PUM2: variants seen among roughly 807,000 people sequenced by gnomAD.
PUM2 encodes the protein pumilio homolog 2.
Under a neutral mutation model 124.5 loss-of-function variants are expected in PUM2, and 57 were observed. The observed-to-expected ratio is 0.46, with a 90% CI of 0.37 to 0.57. PUM2 has a LOEUF of 0.57. Among genes scored for constraint, PUM2 ranks in the 20% least tolerant of loss-of-function variants. The pLI, the probability that PUM2 is intolerant of heterozygous loss-of-function variation, is 0.00. For missense variants in PUM2, 1,065 were observed against 1,290.6 expected (o/e 0.83, Z 2.68); for synonymous variants, 460 against 446.1 (o/e 1.03, Z -0.39).
At position 20,249,635 on chromosome 2, in the gene PUM2, T is replaced by C. The variant is rs1255081352; in HGVS notation, c.*1950A>G. ...AGTGATAAAACCTTTAGATTCCATATTGTGCTCAGAAGATTGCGTTTCTTC... is the reference window on the plus strand; with the variant it reads ...AGTGATAAAACCTTTAGATTCCATACTGTGCTCAGAAGATTGCGTTTCTTC... On this transcript the variant is annotated 3_prime_UTR_variant, in exon 21 of 21. Coordinates refer to ENST00000361078, the MANE Select transcript of PUM2 (RefSeq NM_015317.5). The C allele has an allele frequency of 1.3e-5, 2 of 152,638 alleles. No homozygotes were observed. The highest frequency in any genetic ancestry group is 4.8e-5 in the African/African-American group (2 of 41,444). The allele number at this position is 152,638 out of a possible 1,614,324, so 9.5% of individuals were successfully genotyped here.
chr2:20,304,361 T>C (rs1422916102), intron 7 of PUM2, among the ~76,000 whole-genome samples: 1 of 152,240 alleles, frequency 6.6e-6, no homozygotes, highest in Non-Finnish European at 1.5e-5. Flanking sequence ...TATTTCTGTC[T>C]GGCCAAGTAC....
Position 20,264,367 on chromosome 2 carries a change from A to AAAT in PUM2, c.1958-908_1958-907insATT, listed in dbSNP as rs1553362305. Among the ~76,000 whole-genome samples the AAAT allele has an allele frequency of 1.1e-4, 3 of 26,614 alleles. 1 individual carries two copies. The highest frequency in any genetic ancestry group is 2.1e-4 in the Non-Finnish European group (3 of 14,494). 17.5% of individuals were successfully genotyped at this position (26,614 alleles called of 152,430 possible). On this transcript the variant is annotated intron_variant, in intron 13 of 20. Transcript: ENST00000361078. ...AAAAAAAAAAAAAAAAAAAAAAAAAAATATATATATATATATATATATATA... is the reference window on the plus strand; with the variant it reads ...AAAAAAAAAAAAAAAAAAAAAAAAAAAATATATATATATATATATATATATATA...
intron 7 of PUM2, among the ~76,000 whole-genome samples, chr2:20,304,197 T>G (rs1313917020): frequency 6.6e-6 from 1 of 152,168 alleles, no homozygotes; most frequent in Non-Finnish European, 1.5e-5. Flanking sequence ...TAGGCCCCTT[T>G]TTGTTTGTTT....
At chr2:20,338,176 C>T (rs1012510892) in intron 1 of PUM2, among the ~76,000 whole-genome samples, 2 of 152,292 alleles carry the variant, frequency 1.3e-5, no homozygotes, top group African/African-American at 4.8e-5. Flanking sequence ...GCAGGTGGAT[C>T]ACCTGAGCTC....
intron 7 of PUM2, 49 bp downstream of exon 7, chr2:20,307,927 CTA>C (rs1357168554): frequency 6.3e-7 from 1 of 1,582,488 alleles, no homozygotes; most frequent in Non-Finnish European, 8.6e-7. Context: ...GTGAAACATC[CTA>C]GACATTTTAA....
Position 20,308,427 on chromosome 2 carries a change from C to T in PUM2, c.676G>A (p.Ala226Thr). ...FSNPETQNLD[A>T]MEQVGLESLQ... Reference sequence around the variant, plus strand: ...GATTCCAGACCAACTTGTTCCATGGCATCCAGATTCTGAGTTTCAGGATTT... The same window carrying T: ...GATTCCAGACCAACTTGTTCCATGGTATCCAGATTCTGAGTTTCAGGATTT... The change falls in exon 6 of 21, where the codon GCC (alanine) becomes ACC (threonine). Residue 226 changes from alanine to threonine, a missense_variant. Around this residue, in one of 3 missense-constraint regions of PUM2, gnomAD observed 968 missense variants for 1,159.8 expected, o/e 0.83. Transcript: ENST00000361078. 1 of 1,614,082 alleles carries T rather than the reference C, an allele frequency of 6.2e-7. No individual in the cohort carries two copies. The highest frequency in any genetic ancestry group is 8.5e-7 in the Non-Finnish European group (1 of 1,179,992).
intron 1 of PUM2, 32 bp downstream of exon 1, chr2:20,350,565 A>G (rs898904834): frequency 1.0e-6 from 1 of 985,336 alleles, no homozygotes; most frequent in Non-Finnish European, 1.2e-6. Flanking sequence ...GCGCCAAAGG[A>G]CCGGAGAAAG....
At position 20,263,196 on chromosome 2, in the gene PUM2, G is replaced by GA; in HGVS notation, c.2221dup (p.Ser741PhefsTer2). The stretch of plus-strand genomic sequence containing the variant: ...GAGAAATATCATAATCACCTACCTA[G>GA]AACCATGCTGGTCTTGAGAAAACTC... On this transcript the variant is annotated frameshift_variant, in exon 14 of 21. Transcript: ENST00000361078. LOFTEE classifies it high-confidence loss of function. The GA allele has an allele frequency of 6.3e-7, 1 of 1,595,002 alleles. No individual in the cohort carries two copies. The highest frequency in any genetic ancestry group is 8.6e-7 in the Non-Finnish European group (1 of 1,162,702).
intron 8 of PUM2, among the ~76,000 whole-genome samples, chr2:20,297,253 C>T (rs914796422): frequency 3.9e-5 from 6 of 152,102 alleles, no homozygotes; most frequent in Admixed American, 6.5e-5. Flanking sequence ...ATTGTCTCTG[C>T]GGGTAATGGG....
At chr2:20,348,185 T>C (rs1004328752) in intron 1 of PUM2, among the ~76,000 whole-genome samples, 1 of 150,858 alleles carries the variant, frequency 6.6e-6, no homozygotes, top group African/African-American at 2.4e-5. Flanking sequence ...ATAATAATAA[T>C]AATAAAGAAA....
chr2:20,335,232 T>G (rs551539179), intron 1 of PUM2, among the ~76,000 whole-genome samples: 11 of 152,354 alleles, frequency 7.2e-5, no homozygotes, highest in African/African-American at 2.4e-4. Flanking sequence ...GCTGGACTGA[T>G]TTTAATGAAC....
chr2:20,317,814 C>T (rs189466885), intron 3 of PUM2, among the ~76,000 whole-genome samples: 12 of 152,150 alleles, frequency 7.9e-5, no homozygotes, highest in South Asian at 2.1e-4. Context: ...TTCCTGTGTT[C>T]GCTAAAGGTA....
Position 20,332,282 on chromosome 2 carries a change from A to AGTGTGTGT in PUM2, c.-18-4912_-18-4905dup, listed in dbSNP as rs55986830. Among the ~76,000 whole-genome samples, 1,441 of 145,430 alleles carry AGTGTGTGT rather than the reference A, an allele frequency of 9.9e-3. 18 individuals carry two copies. The highest frequency in any genetic ancestry group is 0.02 in the African/African-American group (765 of 38,900). On this transcript the variant is annotated intron_variant, in intron 1 of 20. Transcript: ENST00000361078. ...TCAACTTTTTCACTTATACTACTAG[A>AGTGTGTGT]GTGTGTGTGTGTGTGTGTGTGTGTG...
chr2:20,279,334 T>C (rs1186558214), intron 12 of PUM2, among the ~76,000 whole-genome samples: 1 of 152,208 alleles, frequency 6.6e-6, no homozygotes, highest in Admixed American at 6.5e-5. Context: ...AAGTCCATAT[T>C]GGCCCGAATA....
chr2:20,310,053 G>T (rs1679265233), intron 5 of PUM2, among the ~76,000 whole-genome samples: 1 of 151,980 alleles, frequency 6.6e-6, no homozygotes, highest in South Asian at 2.1e-4. Context: ...TAAAAAATAA[G>T]TGTCCAATAG....
chr2:20,251,821 A>G, intron 20 of PUM2, 105 bp from the exon 21 acceptor site: 1 of 1,341,332 alleles, frequency 7.5e-7, no homozygotes, highest in Non-Finnish European at 1.0e-6. Flanking sequence ...ACTGCAATTA[A>G]AAAAAATTTA....
At chr2:20,263,892 C>G (rs1666900503) in intron 13 of PUM2, among the ~76,000 whole-genome samples, 1 of 151,986 alleles carries the variant, frequency 6.6e-6, no homozygotes, top group Admixed American at 6.6e-5. Context: ...TGTTAAATCT[C>G]TAGTTTTTGC....
At chr2:20,321,667 G>T (rs1442419003) in intron 2 of PUM2, among the ~76,000 whole-genome samples, 2 of 152,146 alleles carry the variant, frequency 1.3e-5, no homozygotes, top group Non-Finnish European at 2.9e-5. Context: ...GCATTGATTA[G>T]AACAGCAATA....
At chr2:20,280,328 C>A (rs902477203) in intron 12 of PUM2, among the ~76,000 whole-genome samples, 3 of 152,150 alleles carry the variant, frequency 2.0e-5, no homozygotes, top group Admixed American at 1.3e-4. Flanking sequence ...TAAGAAAATA[C>A]TAGGTGTCTA....
Sources: allele counts gnomAD v4.1 joint callset (sites outside exome capture counted in the v4.1 genomes callset), GRCh38; gene constraint gnomAD v4.1.1; regional missense constraint gnomAD v4.1.1; transcripts MANE v1.5; gene names NCBI Gene and HGNC (gene_info 2026-07-23, HGNC 2026-07-21).